NUBPL: variants seen among roughly 807,000 people sequenced by gnomAD.
The protein encoded by NUBPL is iron-sulfur cluster transfer protein NUBPL.
In NUBPL, 31 loss-of-function variants were observed where a neutral mutation model predicts 45.7. The ratio of observed to expected loss-of-function variants is 0.68; its 90% CI spans 0.51 to 0.92. The LOEUF is 0.92. Ranked by LOEUF, NUBPL falls within the 40% of genes least tolerant of loss-of-function variation. NUBPL has a pLI of 0.00. For synonymous variants in NUBPL, 144 were observed against 140.9 expected (o/e 1.02, Z -0.15); for missense variants, 401 against 398.7 (o/e 1.01, Z -0.05).
Position 31,562,107 on chromosome 14 carries a change from ACAC to A in NUBPL, c.149_151del (p.Thr50_Gln51delinsLys). The A allele has an allele frequency of 6.2e-7, 1 of 1,612,162 alleles. No homozygotes were observed. The highest frequency in any genetic ancestry group is 1.1e-5 in the South Asian group (1 of 90,866). Reference sequence around the variant, plus strand: ...GAGTGAGACCCTAAAACAAAGAAGAACACAAATCATGTCCCGAGGACTTCCAAA... The same window carrying A: ...GAGTGAGACCCTAAAACAAAGAAGAAAAATCATGTCCCGAGGACTTCCAAA... On this transcript the variant is annotated inframe_deletion, in exon 2 of 11. Transcript: ENST00000281081.
intron 7 of NUBPL, among the ~76,000 whole-genome samples, chr14:31,811,224 G>C (rs1298870652): frequency 6.6e-6 from 1 of 152,136 alleles, no homozygotes; most frequent in Non-Finnish European, 1.5e-5. Context: ...TTCCAGCTTG[G>C]TTCCATTCTC....
chr14:31,708,676 A>C (rs1399110768), intron 6 of NUBPL, among the ~76,000 whole-genome samples: 1 of 152,206 alleles, frequency 6.6e-6, no homozygotes, highest in Non-Finnish European at 1.5e-5. Flanking sequence ...AGGCTGCGCC[A>C]GTGTCTAGGA....
intron 3 of NUBPL, among the ~76,000 whole-genome samples, chr14:31,574,654 G>C (rs2033675220): frequency 6.9e-6 from 1 of 144,266 alleles, no homozygotes; most frequent in Non-Finnish European, 1.5e-5. Context: ...GCAGTGGCCT[G>C]GTCTTGGCTC....
intron 3 of NUBPL, among the ~76,000 whole-genome samples, chr14:31,576,197 G>T (rs113705284): frequency 1.3e-5 from 2 of 152,182 alleles, no homozygotes; most frequent in Non-Finnish European, 2.9e-5. Flanking sequence ...CTAAGGGCCT[G>T]TCATCTCTTA....
At chr14:31,802,969 A>G (rs1187147413) in intron 7 of NUBPL, among the ~76,000 whole-genome samples, 2 of 152,230 alleles carry the variant, frequency 1.3e-5, no homozygotes, top group African/African-American at 4.8e-5. Flanking sequence ...CAGTGACTAA[A>G]CTTCCATTCA....
chr14:31,627,640 C>T (rs534773348), intron 4 of NUBPL, among the ~76,000 whole-genome samples: 7 of 151,882 alleles, frequency 4.6e-5, no homozygotes, highest in Middle Eastern at 3.4e-3. Flanking sequence ...GTGGCGGGCA[C>T]CTGTAGTCCC....
At chr14:31,738,882 A>G (rs2038216463) in intron 6 of NUBPL, among the ~76,000 whole-genome samples, 1 of 152,098 alleles carries the variant, frequency 6.6e-6, no homozygotes, top group Non-Finnish European at 1.5e-5. Context: ...AATAGGGGAA[A>G]AGTCTGTTAT....
intron 6 of NUBPL, among the ~76,000 whole-genome samples, chr14:31,685,000 C>G (rs894405692): frequency 2.0e-5 from 3 of 152,272 alleles, no homozygotes; most frequent in African/African-American, 7.2e-5. Flanking sequence ...TAGGAAAAAA[C>G]TAAGGATACT....
chr14:31,731,931 G>A (rs534016926), intron 6 of NUBPL, among the ~76,000 whole-genome samples: 3 of 152,082 alleles, frequency 2.0e-5, no homozygotes, highest in African/African-American at 4.8e-5. Flanking sequence ...GGCCGGACGC[G>A]GTGGCTCATA....
chr14:31,641,714 T>A (rs1174312406), intron 4 of NUBPL, among the ~76,000 whole-genome samples: 1 of 152,210 alleles, frequency 6.6e-6, no homozygotes, highest in Non-Finnish European at 1.5e-5. Context: ...AATTGCTGGA[T>A]CAAATGGTAG....
At chr14:31,663,456 T>C (rs2036324347) in intron 4 of NUBPL, among the ~76,000 whole-genome samples, 1 of 152,240 alleles carries the variant, frequency 6.6e-6, no homozygotes, top group Non-Finnish European at 1.5e-5. Flanking sequence ...TTTATGCATA[T>C]GGCTAGCCAG....
chr14:31,795,070 T>C (rs1180053537), intron 7 of NUBPL, among the ~76,000 whole-genome samples: 1 of 149,588 alleles, frequency 6.7e-6, no homozygotes, highest in Non-Finnish European at 1.5e-5. Flanking sequence ...TTGAGGCCTC[T>C]GTTCTGTTCC....
At chr14:31,811,267 G>T (rs2039799473) in intron 7 of NUBPL, among the ~76,000 whole-genome samples, 1 of 152,134 alleles carries the variant, frequency 6.6e-6, no homozygotes, top group Non-Finnish European at 1.5e-5. Context: ...ATTACATGTA[G>T]ACTTGGTCTG....
chr14:31,654,246 T>G, intron 4 of NUBPL: 2 of 267,368 alleles, frequency 7.5e-6, no homozygotes, highest in Non-Finnish European at 1.6e-5. Context: ...GTATGTACCT[T>G]AATTAAAAAT....
intron 6 of NUBPL, among the ~76,000 whole-genome samples, chr14:31,678,077 C>T (rs1364729904): frequency 1.3e-5 from 2 of 152,196 alleles, no homozygotes; most frequent in South Asian, 2.1e-4. Context: ...CACTCTGTGG[C>T]CACCAGCACT....
intron 4 of NUBPL, among the ~76,000 whole-genome samples, chr14:31,659,777 C>T (rs1404934525): frequency 6.6e-6 from 1 of 152,138 alleles, no homozygotes; most frequent in Non-Finnish European, 1.5e-5. Flanking sequence ...CTGAAGTTCT[C>T]AATGTGATCT....
intron 6 of NUBPL, among the ~76,000 whole-genome samples, chr14:31,785,646 G>A (rs1299130437): frequency 6.6e-6 from 1 of 152,062 alleles, no homozygotes; most frequent in African/African-American, 2.4e-5. Context: ...TTCCTGATTT[G>A]TTTGTCTGTC....
chr14:31,811,610 C>T (rs1350442228), intron 7 of NUBPL, among the ~76,000 whole-genome samples: 1 of 152,184 alleles, frequency 6.6e-6, no homozygotes, highest in Non-Finnish European at 1.5e-5. Context: ...TTTCTGAAGC[C>T]TACTTCTGTC....
At chr14:31,622,243 A>G (rs574598886) in intron 4 of NUBPL, among the ~76,000 whole-genome samples, 1 of 152,308 alleles carries the variant, frequency 6.6e-6, no homozygotes, top group South Asian at 2.1e-4. Context: ...GCCTTTTCTG[A>G]AAGCATACAG....
Sources: gnomAD v4.1 joint callset for allele counts (sites outside exome capture counted in the v4.1 genomes callset) on GRCh38, gnomAD v4.1.1 for gene constraint, MANE v1.5 for transcripts, NCBI Gene and HGNC (gene_info 2026-07-23, HGNC 2026-07-21) for gene names.